The following NUMB variants were observed in gnomAD, a reference collection of about 807,000 sequenced individuals.
The protein encoded by NUMB is NUMB endocytic adaptor protein.
A neutral mutation model predicts 59.7 loss-of-function variants in NUMB; 29 were observed. That is an observed-to-expected ratio of 0.49 (90% CI 0.36 to 0.66). NUMB has a LOEUF of 0.66. Among genes scored for constraint, NUMB ranks in the 30% least tolerant of loss-of-function variants. NUMB has a pLI of 0.00. For missense variants in NUMB, 723 were observed against 822.0 expected (o/e 0.88, Z 1.47); for synonymous variants, 288 against 288.2 (o/e 1.00, Z 0.01).
At chr14:73,429,641 G>C (rs1277615264) in intron 1 of NUMB, among the ~76,000 whole-genome samples, 1 of 151,446 alleles carries the variant, frequency 6.6e-6, no homozygotes, top group Non-Finnish European at 1.5e-5. Context: ...TGTGTTTTTT[G>C]CCATTAAAAT....
At chr14:73,433,827 T>C (rs547931832) in intron 1 of NUMB, among the ~76,000 whole-genome samples, 3 of 151,490 alleles carry the variant, frequency 2.0e-5, no homozygotes, top group African/African-American at 7.2e-5. Flanking sequence ...CGGTGGCCCA[T>C]GCCTGCAATC....
chr14:73,454,774 T>C (rs1019697481), intron 1 of NUMB, among the ~76,000 whole-genome samples: 3 of 152,208 alleles, frequency 2.0e-5, no homozygotes, highest in African/African-American at 7.2e-5. Context: ...TATAATCAGA[T>C]GAATAATAAG....
At chr14:73,375,736 A>G (rs990246232) in intron 2 of NUMB, among the ~76,000 whole-genome samples, 3 of 152,222 alleles carry the variant, frequency 2.0e-5, no homozygotes, top group Non-Finnish European at 4.4e-5. Context: ...TATCTCAGGT[A>G]TGCAAGGCTG....
chr14:73,401,861 A>G (rs115217829), intron 2 of NUMB, among the ~76,000 whole-genome samples: 8,838 of 150,720 alleles, frequency 0.059, 717 homozygotes, highest in African/African-American at 0.19. Flanking sequence ...GAGCCACCAC[A>G]TCCGGCCTAA....
Position 73,277,648 on chromosome 14 carries a change from G to C in NUMB, c.1241-355C>G, listed in dbSNP as rs140618863. ...GTGGTAGCTCACACCTGTAATCCCA[G>C]CTACTTGTGAGGCTGAGGCAGGAGG... On this transcript the variant is annotated intron_variant, in intron 12 of 12. Transcript: ENST00000555238. Among the ~76,000 whole-genome samples, 768 of 152,160 alleles carry C rather than the reference G, an allele frequency of 5.0e-3. 7 individuals carry two copies. Among genetic ancestry groups the C allele is most frequent in the African/African-American group, 0.017 (724 of 41,514 alleles).
intron 5 of NUMB, among the ~76,000 whole-genome samples, chr14:73,319,371 T>C (rs1487756444): frequency 6.6e-6 from 1 of 152,228 alleles, no homozygotes; most frequent in Non-Finnish European, 1.5e-5. Flanking sequence ...CTTCCAAAGA[T>C]CATTCACATG....
At chr14:73,415,199 T>G (rs891392262) in intron 1 of NUMB, among the ~76,000 whole-genome samples, 15 of 151,006 alleles carry the variant, frequency 9.9e-5, no homozygotes, top group Non-Finnish European at 2.1e-4. Context: ...TGCTTGCTTC[T>G]CATGTTCTGC....
At chr14:73,425,112 A>C (rs1321971969) in intron 1 of NUMB, among the ~76,000 whole-genome samples, 1 of 152,176 alleles carries the variant, frequency 6.6e-6, no homozygotes, top group Non-Finnish European at 1.5e-5. Context: ...TCCTGACTTA[A>C]AATTCACTCC....
intron 2 of NUMB, among the ~76,000 whole-genome samples, chr14:73,401,199 G>T (rs1218695880): frequency 6.6e-6 from 1 of 152,132 alleles, no homozygotes; most frequent in East Asian, 1.9e-4. Flanking sequence ...GCATTTTGGT[G>T]ACCAGAGGTG....
At chr14:73,351,302 T>C (rs1381303271) in intron 4 of NUMB, among the ~76,000 whole-genome samples, 1 of 151,930 alleles carries the variant, frequency 6.6e-6, no homozygotes, top group Non-Finnish European at 1.5e-5. Flanking sequence ...TGAAACCCTG[T>C]CTCTACTAAA....
At chr14:73,351,775 G>T (rs1308651279) in intron 4 of NUMB, among the ~76,000 whole-genome samples, 1 of 151,928 alleles carries the variant, frequency 6.6e-6, no homozygotes, top group Non-Finnish European at 1.5e-5. Context: ...AGGAGATCGA[G>T]ACCATCCTGG....
chr14:73,430,247 G>A (rs527448082), intron 1 of NUMB, among the ~76,000 whole-genome samples: 1 of 152,206 alleles, frequency 6.6e-6, no homozygotes, highest in African/African-American at 2.4e-5. Flanking sequence ...ACCCGGGAGT[G>A]AAACAGTGGA....
chr14:73,395,638 A>T (rs1594986252), intron 2 of NUMB, among the ~76,000 whole-genome samples: 2 of 152,294 alleles, frequency 1.3e-5, no homozygotes, highest in East Asian at 3.9e-4. Flanking sequence ...ATAAAATATT[A>T]AAATTTAAAT....
At chr14:73,347,732 G>C (rs1427541413) in intron 4 of NUMB, among the ~76,000 whole-genome samples, 1 of 152,014 alleles carries the variant, frequency 6.6e-6, no homozygotes, top group East Asian at 1.9e-4. Flanking sequence ...CGATCTCTTT[G>C]GCAATTCACT....
intron 4 of NUMB, among the ~76,000 whole-genome samples, chr14:73,352,433 TACAC>T (rs10610977): frequency 0.3 from 15,507 of 52,350 alleles, 3,739 homozygotes; most frequent in East Asian, 0.66. Context: ...AATATATATA[TACAC>T]ACACACACAC....
At chr14:73,402,278 CA>C (rs1264865578) in intron 2 of NUMB, among the ~76,000 whole-genome samples, 1 of 152,170 alleles carries the variant, frequency 6.6e-6, no homozygotes, top group Non-Finnish European at 1.5e-5. Flanking sequence ...TCTCCTTGAT[CA>C]CAAATACATT....
At chr14:73,343,818 G>A (rs1174058480) in intron 4 of NUMB, among the ~76,000 whole-genome samples, 1 of 150,146 alleles carries the variant, frequency 6.7e-6, no homozygotes, top group Non-Finnish European at 1.5e-5. Context: ...GAAATACTAT[G>A]TATGTAAAAA....
chr14:73,278,346 C>A (rs1175105543), intron 12 of NUMB, among the ~76,000 whole-genome samples: 1 of 151,764 alleles, frequency 6.6e-6, no homozygotes, highest in East Asian at 2.0e-4. Flanking sequence ...ATGGTGACAC[C>A]CCATTTCTAC....
At chr14:73,285,674 C>G (rs916913642) in intron 9 of NUMB, 1 of 151,812 alleles carries the variant, frequency 6.6e-6, no homozygotes. Flanking sequence ...ACCTGTAATC[C>G]CAGCACTTTG....
Sources: gnomAD v4.1 joint callset for allele counts (sites outside exome capture counted in the v4.1 genomes callset) on GRCh38, gnomAD v4.1.1 for gene constraint, MANE v1.5 for transcripts, NCBI Gene and HGNC (gene_info 2026-07-23, HGNC 2026-07-21) for gene names.